SPOCK3: variants seen among roughly 807,000 people sequenced by gnomAD.
SPOCK3 encodes the protein testican-3.
Under a neutral mutation model 56.6 loss-of-function variants are expected in SPOCK3, and 30 were observed. The observed-to-expected ratio is 0.53, with a 90% confidence interval of 0.40 to 0.72. The LOEUF (loss-of-function observed/expected upper bound fraction) is 0.72. SPOCK3 is among the 30% of genes least tolerant of loss of function. The pLI is 0.00. For missense variants in SPOCK3, 527 were observed against 530.0 expected (o/e 0.99, Z 0.06); for synonymous variants, 196 against 183.3 (o/e 1.07, Z -0.56).
At chr4:166,896,700 T>C (rs1319476259) in intron 5 of SPOCK3, among the ~76,000 whole-genome samples, 3 of 152,202 alleles carry the variant, frequency 2.0e-5, no homozygotes, top group African/African-American at 7.2e-5. Context: ...GATTGCCTTT[T>C]TCCATGTTTG....
At chr4:167,142,107 G>A (rs913699300) in intron 2 of SPOCK3, among the ~76,000 whole-genome samples, 3 of 152,000 alleles carry the variant, frequency 2.0e-5, no homozygotes, top group African/African-American at 7.2e-5. Flanking sequence ...AAGTATGTGA[G>A]AAGAGTAAAG....
intron 2 of SPOCK3, among the ~76,000 whole-genome samples, chr4:167,117,686 A>C (rs1045969430): frequency 1.3e-5 from 2 of 152,164 alleles, no homozygotes; most frequent in Non-Finnish European, 2.9e-5. Flanking sequence ...CAGAAGGTGA[A>C]AATCCAAGGG....
intron 6 of SPOCK3, among the ~76,000 whole-genome samples, chr4:166,817,114 A>G (rs970961749): frequency 9.2e-5 from 14 of 151,938 alleles, no homozygotes; most frequent in African/African-American, 3.4e-4. Context: ...GAGGATAATC[A>G]TTTTCTTGCT....
At chr4:166,816,805 C>A (rs1744425554) in intron 6 of SPOCK3, among the ~76,000 whole-genome samples, 1 of 151,988 alleles carries the variant, frequency 6.6e-6, no homozygotes, top group African/African-American at 2.4e-5. Context: ...TATTAAAAAT[C>A]TCCTAGAAGA....
At chr4:167,061,429 A>G (rs1279453559) in intron 3 of SPOCK3, among the ~76,000 whole-genome samples, 2 of 152,036 alleles carry the variant, frequency 1.3e-5, no homozygotes, top group African/African-American at 4.8e-5. Flanking sequence ...TAGTGAAATC[A>G]AATGAAATAT....
chr4:166,916,799 TTGATCTTGAGTAATCCATCAGTC>T (rs1737902528), intron 4 of SPOCK3, among the ~76,000 whole-genome samples: 1 of 152,222 alleles, frequency 6.6e-6, no homozygotes, highest in Non-Finnish European at 1.5e-5. Context: ...TATGGATCAT[TTGATCTTGAGTAATCCATCAGTC>T]TATAAATCTT....
chr4:167,156,243 A>G (rs1764808661), intron 2 of SPOCK3, among the ~76,000 whole-genome samples: 1 of 152,154 alleles, frequency 6.6e-6, no homozygotes, highest in Non-Finnish European at 1.5e-5. Context: ...TAGTGACTCT[A>G]TGGGCCAGTG....
chr4:167,071,407 C>T (rs1439884309), intron 2 of SPOCK3, among the ~76,000 whole-genome samples: 1 of 151,206 alleles, frequency 6.6e-6, no homozygotes, highest in Non-Finnish European at 1.5e-5. Context: ...CACCCCCTGA[C>T]AGGCACCGGT....
chr4:166,990,510 C>T (rs1265213075), intron 4 of SPOCK3, among the ~76,000 whole-genome samples: 2 of 151,826 alleles, frequency 1.3e-5, no homozygotes, highest in Non-Finnish European at 2.9e-5. Context: ...GCAGAAATGA[C>T]TACTAATTTC....
At chr4:167,037,357 C>CT (rs1477883316) in intron 3 of SPOCK3, among the ~76,000 whole-genome samples, 1 of 151,978 alleles carries the variant, frequency 6.6e-6, no homozygotes, top group African/African-American at 2.4e-5. Context: ...TGGGGTGTGC[C>CT]TGTGGTCCCA....
chr4:166,774,954 T>A (rs569721936), intron 7 of SPOCK3, among the ~76,000 whole-genome samples: 37 of 152,210 alleles, frequency 2.4e-4, no homozygotes, highest in Non-Finnish European at 4.3e-4. Flanking sequence ...AATACCTTCA[T>A]ATCATAGCAG....
At chr4:166,779,446 T>G (rs1739928113) in intron 7 of SPOCK3, among the ~76,000 whole-genome samples, 1 of 151,614 alleles carries the variant, frequency 6.6e-6, no homozygotes, top group Non-Finnish European at 1.5e-5. Context: ...AGTAGAGAAA[T>G]ATAAATTATA....
chr4:166,994,065 A>G (rs922196221), intron 4 of SPOCK3, among the ~76,000 whole-genome samples: 4 of 152,124 alleles, frequency 2.6e-5, no homozygotes, highest in African/African-American at 7.2e-5. Context: ...TCCATTAACC[A>G]TTATGCTGAA....
chr4:167,174,930 G>A (rs886213485), intron 2 of SPOCK3, among the ~76,000 whole-genome samples: 60 of 151,624 alleles, frequency 4.0e-4, no homozygotes, highest in African/African-American at 1.4e-3. Flanking sequence ...GAAGTTTTAC[G>A]CCCCACTGAT....
At chr4:167,020,946 G>A (rs1353596609) in intron 3 of SPOCK3, among the ~76,000 whole-genome samples, 1 of 152,006 alleles carries the variant, frequency 6.6e-6, no homozygotes, top group Non-Finnish European at 1.5e-5. Flanking sequence ...GAACTAAAAG[G>A]TGGAAAAAGT....
At chr4:167,157,151 A>T (rs551378604) in intron 2 of SPOCK3, among the ~76,000 whole-genome samples, 1 of 152,178 alleles carries the variant, frequency 6.6e-6, no homozygotes, top group South Asian at 2.1e-4. Context: ...CAGATTATGA[A>T]TTAAAAAAAT....
intron 2 of SPOCK3, among the ~76,000 whole-genome samples, chr4:167,221,636 G>A (rs1192868480): frequency 6.6e-6 from 1 of 152,130 alleles, no homozygotes; most frequent in Non-Finnish European, 1.5e-5. Flanking sequence ...TTAAAAATGG[G>A]TAAAGGACTT....
At chr4:167,033,359 A>G (rs530484204) in intron 3 of SPOCK3, among the ~76,000 whole-genome samples, 9 of 149,152 alleles carry the variant, frequency 6.0e-5, no homozygotes, top group East Asian at 2.0e-4. Context: ...TAAAAATTCA[A>G]TAAGTTACAT....
At chr4:167,013,428 T>C (rs1044985740) in intron 3 of SPOCK3, among the ~76,000 whole-genome samples, 2 of 151,596 alleles carry the variant, frequency 1.3e-5, no homozygotes, top group African/African-American at 4.8e-5. Context: ...ATAAAATAAA[T>C]GCTAATAGGA....
Sources: gnomAD v4.1 joint callset for allele counts (sites outside exome capture counted in the v4.1 genomes callset) on GRCh38, gnomAD v4.1.1 for gene constraint, MANE v1.5 for transcripts, NCBI Gene and HGNC (gene_info 2026-07-23, HGNC 2026-07-21) for gene names.